Variants in CLSTN1 observed in about 807,000 individuals in gnomAD.
The protein encoded by CLSTN1 is calsyntenin-1.
Under a neutral mutation model 108.3 loss-of-function variants are expected in CLSTN1, and 28 were observed. The observed-to-expected ratio is 0.26, with a 90% confidence interval of 0.19 to 0.35. The LOEUF is 0.35. CLSTN1 is among the 10% of genes least tolerant of loss of function. The probability of loss-of-function intolerance (pLI) is 1.00; values close to 1 mark genes in which losing one functional copy is unlikely to be tolerated. For missense variants in CLSTN1, 1,157 were observed against 1,302.6 expected, an observed-to-expected ratio of 0.89 and a Z score of 1.72; for synonymous variants, 524 against 534.9, an observed-to-expected ratio of 0.98 and a Z score of 0.28.
chr1:9,816,911 T>C (rs867344766), intron 1 of CLSTN1, among the ~76,000 whole-genome samples: 1 of 152,220 alleles, frequency 6.6e-6, no homozygotes, highest in Non-Finnish European at 1.5e-5. Context: ...CCTCCCGAAG[T>C]GCTAGGATTA....
chr1:9,819,240 T>C (rs1655103857), intron 1 of CLSTN1, among the ~76,000 whole-genome samples: 1 of 152,152 alleles, frequency 6.6e-6, no homozygotes, highest in African/African-American at 2.4e-5. Flanking sequence ...CTCTTATAAA[T>C]GAAAACTACC....
At chr1:9,805,481 T>C (rs962337924) in intron 1 of CLSTN1, among the ~76,000 whole-genome samples, 16 of 152,180 alleles carry the variant, frequency 1.1e-4, no homozygotes, top group Admixed American at 1.0e-3. Flanking sequence ...TTCTCTTAAG[T>C]TGGACATTAA....
chr1:9,746,497 A>G (rs536415938), intron 7 of CLSTN1, among the ~76,000 whole-genome samples: 3 of 152,146 alleles, frequency 2.0e-5, no homozygotes, highest in Non-Finnish European at 2.9e-5. Context: ...AGGCAGATCA[A>G]CTGAGGTCAA....
chr1:9,812,921 T>C (rs1431269140), intron 1 of CLSTN1, among the ~76,000 whole-genome samples: 1 of 151,410 alleles, frequency 6.6e-6, no homozygotes, highest in East Asian at 1.9e-4. Flanking sequence ...CCTAGCACTC[T>C]GGGAGGCTGA....
At chr1:9,780,876 A>C (rs928842904) in intron 1 of CLSTN1, 13 of 285,796 alleles carry the variant, frequency 4.5e-5, no homozygotes, top group Non-Finnish European at 1.3e-5. Flanking sequence ...CAGCGAATCC[A>C]AATGCGGTGC....
At chr1:9,813,036 T>C (rs1570524848) in intron 1 of CLSTN1, among the ~76,000 whole-genome samples, 1 of 144,180 alleles carries the variant, frequency 6.9e-6, no homozygotes, top group Admixed American at 7.0e-5. Context: ...TGGTGGCGGG[T>C]GCCTAGTAAT....
chr1:9,733,810 G>A (rs1430073895), intron 15 of CLSTN1, among the ~76,000 whole-genome samples, 162 bp downstream of exon 15: 1 of 152,194 alleles, frequency 6.6e-6, no homozygotes, highest in East Asian at 1.9e-4. Flanking sequence ...CAGGAGACAG[G>A]AGTATGCGTG....
chr1:9,821,440 A>G (rs1306248221), intron 1 of CLSTN1, among the ~76,000 whole-genome samples: 1 of 151,126 alleles, frequency 6.6e-6, no homozygotes, highest in Non-Finnish European at 1.5e-5. Flanking sequence ...GCTCTACTCA[A>G]TGTTTTTTGA....
chr1:9,796,585 G>A (rs1316939292), intron 1 of CLSTN1, among the ~76,000 whole-genome samples: 1 of 151,150 alleles, frequency 6.6e-6, no homozygotes, highest in Non-Finnish European at 1.5e-5. Flanking sequence ...TCAGGAGGCT[G>A]AGGCAGGAGA....
chr1:9,743,499 C>T lies in CLSTN1; in HGVS notation c.1356+385G>A, dbSNP rs117180307. ...ATATACACTGACTATACACAGCCAT[C>T]CATGTGCAAGGTTGCAGTACCTGCT... is the stretch of plus-strand genomic sequence containing the variant. On this transcript the variant is annotated intron_variant, in intron 9 of 18. Transcript: ENST00000377298. Among the ~76,000 whole-genome samples, 662 of 152,276 alleles carry T rather than the reference C, an allele frequency of 4.3e-3. 12 individuals carry two copies. Among genetic ancestry groups the T allele is most frequent in the East Asian group, 0.043 (221 of 5,184 alleles).
chr1:9,804,358 T>C (rs1035589091), intron 1 of CLSTN1, among the ~76,000 whole-genome samples: 9 of 96,460 alleles, frequency 9.3e-5, no homozygotes, highest in Non-Finnish European at 1.6e-4. Context: ...AGAGACTCCA[T>C]CTCAAAAAAA....
chr1:9,786,586 T>C (rs1653497315), intron 1 of CLSTN1, among the ~76,000 whole-genome samples: 1 of 135,934 alleles, frequency 7.4e-6, no homozygotes, highest in Non-Finnish European at 1.5e-5. Context: ...GAGGTTGCAG[T>C]GAGCTGAGAT....
Position 9,773,326 on chromosome 1 carries a change from G to A in CLSTN1, c.160C>T (p.Leu54Phe), listed in dbSNP as rs990663202. 1 of 1,614,194 alleles carries A rather than the reference G, an allele frequency of 6.2e-7. No homozygotes were observed. Among genetic ancestry groups the A allele is most frequent in the African/African-American group, 1.3e-5 (1 of 75,056 alleles). Reference protein sequence around the residue: ...GIVTENDNTVLLDPPLIALDK... With the variant: ...GIVTENDNTVFLDPPLIALDK... Reference sequence around the variant, plus strand: ...AGCGCGATCAGTGGGGGGTCGAGGAGCACGGTGTTGTCGTTCTCTGTGACT... The same window carrying A: ...AGCGCGATCAGTGGGGGGTCGAGGAACACGGTGTTGTCGTTCTCTGTGACT... Residue 54 changes from leucine (L) to phenylalanine (F), a missense_variant, in exon 2 of 19, where the codon CTC (leucine) becomes TTC (phenylalanine). By Grantham distance (22) the Leu-to-Phe change is conservative. Transcript: ENST00000377298.
chr1:9,742,726 G>A (rs1651043702), intron 9 of CLSTN1, among the ~76,000 whole-genome samples: 1 of 152,112 alleles, frequency 6.6e-6, no homozygotes, highest in African/African-American at 2.4e-5. Flanking sequence ...TGACCAAAAT[G>A]GTGGAACCCC....
chr1:9,737,424 T>C, intron 11 of CLSTN1, 74 bp downstream of exon 11: 2 of 1,405,464 alleles, frequency 1.4e-6, no homozygotes, highest in South Asian at 1.2e-5. Flanking sequence ...GGGCGTTTCA[T>C]GCGACACGTG....
intron 1 of CLSTN1, among the ~76,000 whole-genome samples, chr1:9,800,054 C>T (rs1303941887): frequency 6.6e-6 from 1 of 152,012 alleles, no homozygotes; most frequent in Non-Finnish European, 1.5e-5. Context: ...TATAATTTAT[C>T]AAAATGTGTG....
intron 2 of CLSTN1, among the ~76,000 whole-genome samples, chr1:9,767,922 G>A (rs1358247731): frequency 6.6e-6 from 1 of 152,124 alleles, no homozygotes; most frequent in Non-Finnish European, 1.5e-5. Context: ...GGTAATTACT[G>A]TACCACCCAC....
At chr1:9,750,682 A>T (rs1341227315) in intron 5 of CLSTN1, among the ~76,000 whole-genome samples, 5 of 145,532 alleles carry the variant, frequency 3.4e-5, no homozygotes, top group Non-Finnish European at 7.4e-5. Context: ...ACTACATTCC[A>T]GCCTGGGCGA....
intron 2 of CLSTN1, among the ~76,000 whole-genome samples, chr1:9,769,140 AGAGGGAGG>A (rs1652540538): frequency 9.7e-6 from 1 of 103,488 alleles, no homozygotes; most frequent in African/African-American, 3.8e-5. Flanking sequence ...TGAGAGGGAG[AGAGGGAGG>A]GAGGAAGGGA....
Sources: allele counts gnomAD v4.1 joint callset (sites outside exome capture counted in the v4.1 genomes callset), GRCh38; gene constraint gnomAD v4.1.1; transcripts MANE v1.5; gene names NCBI Gene and HGNC (gene_info 2026-07-23, HGNC 2026-07-21).